The following VEGFB variants were observed in gnomAD, a reference collection of about 807,000 sequenced individuals.
VEGFB encodes vascular endothelial growth factor B, also known as VEGF-related factor.
A neutral mutation model predicts 22.5 loss-of-function variants in VEGFB; 24 were observed. The ratio of observed to expected loss-of-function variants is 1.07; its 90% confidence interval spans 0.77 to 1.50. VEGFB has a LOEUF of 1.50. VEGFB is among the 40% of genes most tolerant of loss of function. The pLI, the probability that VEGFB is intolerant of heterozygous loss-of-function variation, is 0.00. For missense variants in VEGFB, 327 were observed against 287.8 expected (o/e 1.14, Z -0.99); for synonymous variants, 141 against 117.4 (o/e 1.20, Z -1.30).
In VEGFB at chr11:64,235,462, C is replaced by T. The variant is rs1207778688; in HGVS notation, c.65C>T (p.Pro22Leu). ...ALLQLAPAQA[P>L]VSQPDAPGHQ... Reference sequence around the variant, plus strand: ...CAGGTCTTTTCTCTCCCACAGGCCCCTGTCTCCCAGCCTGATGCCCCTGGC... The same window carrying T: ...CAGGTCTTTTCTCTCCCACAGGCCCTTGTCTCCCAGCCTGATGCCCCTGGC... The change falls in exon 2 of 7, where the codon CCT (proline) becomes CTT (leucine). Residue 22 changes from proline to leucine, a missense_variant. By Grantham distance (98) the Pro-to-Leu change is moderately conservative. Coordinates refer to ENST00000309422, the MANE Select transcript of VEGFB (RefSeq NM_003377.5). 3 of 1,613,870 alleles carry T rather than the reference C, an allele frequency of 1.9e-6. No individual in the cohort carries two copies. The East Asian group carries it at 6.7e-5, about 36-fold the overall frequency.
intron 3 of VEGFB, 24 bp from the exon 4 acceptor site, chr11:64,236,230 C>T (rs750372392): frequency 1.2e-5 from 19 of 1,612,482 alleles, no homozygotes; most frequent in Non-Finnish European, 1.7e-6. Context: ...CTCACTGTCC[C>T]CCCTGTTCTT....
intron 4 of VEGFB, among the ~76,000 whole-genome samples, chr11:64,236,729 A>C (rs1479783144): frequency 1.4e-5 from 2 of 139,380 alleles, no homozygotes; most frequent in African/African-American, 2.7e-5. Context: ...AAAAAAAAAA[A>C]AAAAAAAAAA....
At position 64,235,795 on chromosome 11, in the gene VEGFB, C is replaced by T; in HGVS notation, c.104-18C>T. ...AGGAAAACCAGTGAGGACTTAACCC[C>T]TACCGGTCTGCTCCCAGTGGTGTCA... On this transcript the variant is annotated intron_variant, in intron 2 of 6. Transcript: ENST00000309422. 3 of 1,613,452 alleles carry T rather than the reference C, an allele frequency of 1.9e-6. No individual in the cohort carries two copies. The highest frequency in any genetic ancestry group is 1.3e-5 in the African/African-American group (1 of 75,038).
rs139831554 is a variant in VEGFB, at chr11:64,238,996, G to A, written c.*663G>A. Among the ~76,000 whole-genome samples, 24 of 152,284 alleles carry A rather than the reference G, an allele frequency of 1.6e-4. No individual in the cohort carries two copies. In the East Asian group the frequency reaches 4.4e-3, roughly 28 times the overall value. On this transcript the variant is annotated 3_prime_UTR_variant, in exon 7 of 7. Coordinates refer to ENST00000309422, the MANE Select transcript of VEGFB (RefSeq NM_003377.5). ...TTGCCACGCATGGGAGTCAGGGATA[G>A]CCCAGTCAATACAGACTGCCTGCCC...
intron 3 of VEGFB, 65 bp from the exon 4 acceptor site, chr11:64,236,189 C>T (rs2029999433): frequency 6.3e-7 from 1 of 1,583,632 alleles, no homozygotes; most frequent in East Asian, 2.2e-5. Context: ...TTTCTCCCTT[C>T]AGTCTTAGAG....
At chr11:64,236,513 A>C (rs1429944755) in intron 4 of VEGFB, among the ~76,000 whole-genome samples, 186 bp downstream of exon 4, 1 of 145,116 alleles carries the variant, frequency 6.9e-6, no homozygotes, top group Non-Finnish European at 1.5e-5. Context: ...CAGGAGATCG[A>C]GACCATCCTG....
chr11:64,237,261 A>C, intron 5 of VEGFB, 39 bp downstream of exon 5: 1 of 1,577,092 alleles, frequency 6.3e-7, no homozygotes, highest in African/African-American at 1.3e-5. Context: ...GGGTATGGGG[A>C]GTACAAGTGA....
intron 6 of VEGFB, chr11:64,238,034 C>T (rs1340393322): frequency 7.8e-6 from 4 of 514,362 alleles, no homozygotes; most frequent in Admixed American, 7.0e-5. Context: ...GACATCTGCC[C>T]TTACCTACGG....
rs2030190732 is a variant in VEGFB, at chr11:64,237,484, G to A, written c.475G>A (p.Ala159Thr). The change falls in exon 6 of 7, where the codon GCA (alanine) becomes ACA (threonine). Residue 159 changes from alanine to threonine, a missense_variant. Ala to Thr is a moderately conservative substitution (Grantham distance 58). Coordinates refer to ENST00000309422, the MANE Select transcript of VEGFB (RefSeq NM_003377.5). ...TCCGGGCTGGGACTCTGCCCCCGGA[G>A]CACCCTCCCCAGCTGACATCACCCA... The part of the protein sequence containing the change: ...SVPGWDSAPG[A>T]PSPADITHPT... 6.2e-7 allele frequency: 1 copy of A among 1,612,216 alleles called. No individual in the cohort carries two copies. The highest frequency in any genetic ancestry group is 8.5e-7 in the Non-Finnish European group (1 of 1,179,692).
At position 64,236,090 on chromosome 11, in the gene VEGFB, T is replaced by A. The variant is rs2029991898; in HGVS notation, c.300+81T>A. ...GCGGGCAGGGTGGATGCTGGCTGGC[T>A]CTGGGGCTGGGGCAGCCTGGAGACT... On this transcript the variant is annotated intron_variant, in intron 3 of 6. Transcript: ENST00000309422. 3.9e-6 allele frequency: 6 copies of A among 1,523,892 alleles called. No homozygotes were observed. The South Asian group carries it at 7.3e-5, about 19-fold the overall frequency. The allele number at this position is 1,523,892 out of a possible 1,614,324, so 94.4% of individuals were successfully genotyped here. A position where few individuals can be genotyped will look rare whatever the true frequency, so the allele number is the denominator to read the frequency against.
At chr11:64,238,113 TG>T (rs1565319066) in intron 6 of VEGFB, among the ~76,000 whole-genome samples, 2 of 152,184 alleles carry the variant, frequency 1.3e-5, no homozygotes, top group Non-Finnish European at 2.9e-5. Flanking sequence ...TCACCATCCG[TG>T]TCCCGCAGTG....
intron 6 of VEGFB, 135 bp from the exon 7 acceptor site, chr11:64,238,221 C>CA: frequency 9.0e-7 from 1 of 1,111,948 alleles, no homozygotes; most frequent in Non-Finnish European, 1.3e-6. Flanking sequence ...CTTCGCCCTG[C>CA]AGCCTCCAGT....
Position 64,235,798 on chromosome 11 carries a change from C to A in VEGFB, c.104-15C>A, listed in dbSNP as rs776873769. ...AAAACCAGTGAGGACTTAACCCCTA[C>A]CGGTCTGCTCCCAGTGGTGTCATGG... On this transcript the variant is annotated splice_polypyrimidine_tract_variant and intron_variant, in intron 2 of 6. Coordinates refer to ENST00000309422, the MANE Select transcript of VEGFB (RefSeq NM_003377.5). The A allele has an allele frequency of 6.2e-7, 1 of 1,613,508 alleles. No homozygotes were observed. The highest frequency in any genetic ancestry group is 1.1e-5 in the South Asian group (1 of 91,058).
chr11:64,237,723 G>T, intron 6 of VEGFB, 68 bp downstream of exon 6: 1 of 1,384,556 alleles, frequency 7.2e-7, no homozygotes, highest in Non-Finnish European at 9.6e-7. Flanking sequence ...CAGGTCCAGG[G>T]TGAGCCTGCC....
intron 4 of VEGFB, among the ~76,000 whole-genome samples, chr11:64,236,904 C>A (rs184109028): frequency 2.7e-5 from 4 of 146,644 alleles, no homozygotes; most frequent in African/African-American, 9.9e-5. Context: ...CATGGTGAAA[C>A]CCCATCTCTA....
intron 3 of VEGFB, 57 bp downstream of exon 3, chr11:64,236,066 C>A: frequency 6.5e-7 from 1 of 1,536,876 alleles, no homozygotes; most frequent in Non-Finnish European, 8.8e-7. Flanking sequence ...GGTGGGGCAG[C>A]GGGCAGGGTG....
chr11:64,237,334 T>C (rs1591081790), intron 5 of VEGFB, 86 bp from the exon 6 acceptor site: 2 of 1,507,644 alleles, frequency 1.3e-6, no homozygotes, highest in East Asian at 2.3e-5. Flanking sequence ...TTTCCTCTGC[T>C]CCCCAAGCCT....
At chr11:64,237,118 AGAGAGTAG>A (rs1407751521) in intron 4 of VEGFB, 61 bp from the exon 5 acceptor site, 12 of 718,408 alleles carry the variant, frequency 1.7e-5, no homozygotes, top group East Asian at 1.1e-4. Context: ...AGAGAGAGAG[AGAGAGTAG>A]GATGCTGGGA....
intron 6 of VEGFB, 78 bp downstream of exon 6, chr11:64,237,733 C>T: frequency 7.6e-7 from 1 of 1,311,980 alleles, no homozygotes. Context: ...GTGAGCCTGC[C>T]AGTAGGAGGA....
Sources: gnomAD v4.1 joint callset for allele counts (sites outside exome capture counted in the v4.1 genomes callset) on GRCh38, gnomAD v4.1.1 for gene constraint, MANE v1.5 for transcripts, NCBI Gene and HGNC (gene_info 2026-07-23, HGNC 2026-07-21) for gene names.